The following FAM171A2 variants were observed in gnomAD, a reference collection of about 807,000 sequenced individuals.
FAM171A2 encodes the protein family with sequence similarity 171 member A2.
In FAM171A2, 13 loss-of-function variants were observed where a neutral mutation model predicts 34.2. The observed-to-expected ratio is 0.38, with a 90% CI of 0.25 to 0.60. The LOEUF is 0.60. Among genes scored for constraint, FAM171A2 ranks in the 20% least tolerant of loss-of-function variants. FAM171A2 has a pLI of 0.62. For missense variants in FAM171A2, 950 were observed against 1,180.7 expected, an observed-to-expected ratio of 0.80 and a Z score of 2.86; for synonymous variants, 475 against 561.2, an observed-to-expected ratio of 0.85 and a Z score of 2.17.
In FAM171A2 at chr17:44,356,688, AG is replaced by A. The variant is rs548586610; in HGVS notation, c.440-101del. On this transcript the variant is annotated intron_variant, in intron 3 of 7. Coordinates refer to ENST00000293443, the MANE Select transcript of FAM171A2 (RefSeq NM_198475.3). Reference sequence around the variant, plus strand: ...CTAAGGAAAAGGGGGACATGAGGTCAGGCCACTTTGGAAGGCCAGGGAGGGT... The same window carrying A: ...CTAAGGAAAAGGGGGACATGAGGTCAGCCACTTTGGAAGGCCAGGGAGGGT... 8.9e-5 allele frequency: 121 copies of A among 1,356,742 alleles called. No individual in the cohort carries two copies. In the East Asian group the frequency reaches 2.9e-3, roughly 32 times the overall value. The allele number at this position is 1,356,742 out of a possible 1,614,324, so 84.0% of individuals were successfully genotyped here.
chr17:44,362,690 C>T (rs780526265), intron 1 of FAM171A2, among the ~76,000 whole-genome samples: 11 of 152,196 alleles, frequency 7.2e-5, no homozygotes, highest in Non-Finnish European at 1.0e-4. Context: ...GAGCCGGCCC[C>T]ACCCCCACCT....
In FAM171A2 at chr17:44,353,920, G is replaced by A; in HGVS notation, c.2294C>T (p.Thr765Met). The A allele has an allele frequency of 7.7e-7, 1 of 1,296,486 alleles. No individual in the cohort carries two copies. The highest frequency in any genetic ancestry group is 9.7e-7 in the Non-Finnish European group (1 of 1,028,452). The allele number at this position is 1,296,486 out of a possible 1,614,324, so 80.3% of individuals were successfully genotyped here. The change falls in exon 8 of 8, where the codon ACG (threonine) becomes ATG (methionine). Residue 765 changes from threonine to methionine, a missense_variant. By Grantham distance (81) the Thr-to-Met change is moderately conservative (BLOSUM62 -1). Transcript: ENST00000293443. Reference protein sequence around the residue: ...EVAAPEGRAATVPRGRGRSRG... With the variant: ...EVAAPEGRAAMVPRGRGRSRG... ...GCTGCGGCCCCGCCCCCGGGGTACC[G>A]TGGCCGCCCGGCCCTCGGGCGCCGC...
rs1598368356 is a variant in FAM171A2 at position 44,355,377 on chromosome 17, C to T, written c.1023-186G>A. 6.6e-6 allele frequency among the ~76,000 whole-genome samples: 1 copy of T among 152,250 alleles called. No individual in the cohort carries two copies. The highest frequency in any genetic ancestry group is 1.9e-4 in the East Asian group (1 of 5,194). On this transcript the variant is annotated intron_variant, in intron 7 of 7. Coordinates refer to ENST00000293443, the MANE Select transcript of FAM171A2 (RefSeq NM_198475.3). This position sits in a 1 kb window ranked among gnomAD's most constrained non-coding sequence, Gnocchi z 4.1. ...GGCGATCCCCTCAGGGTCAACTCTG[C>T]ACTCCTCTGCATGTAGGATGTGCTG...
chr17:44,362,044 C>A (rs1205551986), intron 1 of FAM171A2, among the ~76,000 whole-genome samples: 1 of 127,096 alleles, frequency 7.9e-6, no homozygotes, highest in Non-Finnish European at 1.6e-5. Flanking sequence ...AGGGAGGGGG[C>A]TGGGGAAACA....
At position 44,354,269 on chromosome 17, in the gene FAM171A2, G is replaced by A; in HGVS notation, c.1945C>T (p.Pro649Ser). ...EKKLLELGVKPHPRAWFVSLD... is the reference protein window; with the variant it reads ...EKKLLELGVKSHPRAWFVSLD... Reference sequence around the variant, plus strand: ...GACACGAACCAGGCGCGCGGGTGCGGCTTCACGCCCAGTTCCAGCAGCTTC... The same window carrying A: ...GACACGAACCAGGCGCGCGGGTGCGACTTCACGCCCAGTTCCAGCAGCTTC... The change falls in exon 8 of 8, where the codon CCG becomes TCG. Residue 649 changes from proline (P) to serine (S), a missense_variant. Pro to Ser is a moderately conservative substitution (Grantham distance 74, BLOSUM62 -1). Coordinates refer to ENST00000293443, the MANE Select transcript of FAM171A2 (RefSeq NM_198475.3). This position sits in a 1 kb window ranked among gnomAD's most constrained non-coding sequence, Gnocchi z 5.8. The A allele has an allele frequency of 6.9e-7, 1 of 1,454,598 alleles. No homozygotes were observed. The highest frequency in any genetic ancestry group is 9.1e-7 in the Non-Finnish European group (1 of 1,096,792). 90.1% of individuals were successfully genotyped at this position (1,454,598 alleles called of 1,614,324 possible). A position where few individuals can be genotyped will look rare whatever the true frequency, so the allele number is the denominator to read the frequency against.
rs1301461689 is a variant in FAM171A2, at chr17:44,355,570, C to T, written c.1022+145G>A. ...CCACCTCCCCGCTGTCTTCAACCAC[C>T]AGCACCAGCCCTTCAGGTCTTAGCA... is the stretch of plus-strand genomic sequence containing the variant. On this transcript the variant is annotated intron_variant, in intron 7 of 7. Coordinates refer to ENST00000293443, the MANE Select transcript of FAM171A2 (RefSeq NM_198475.3). The surrounding 1 kb of genome is among the most constrained non-coding windows in gnomAD (Gnocchi z 4.1). 2 of 1,237,500 alleles carry T rather than the reference C, an allele frequency of 1.6e-6. No individual in the cohort carries two copies. Among genetic ancestry groups the T allele is most frequent in the African/African-American group, 3.0e-5 (2 of 66,260 alleles). The allele number at this position is 1,237,500 out of a possible 1,614,324, so 76.7% of individuals were successfully genotyped here.
rs2048416921 is a variant in FAM171A2, at chr17:44,355,188, C to T, written c.1026G>A (p.Arg342=). Residue 342 remains arginine (R), a synonymous_variant, in exon 8 of 8, where the codon AGG becomes AGA. Coordinates refer to ENST00000293443, the MANE Select transcript of FAM171A2 (RefSeq NM_198475.3). The surrounding 1 kb of genome is among the most constrained non-coding windows in gnomAD (Gnocchi z 4.1). The part of the protein sequence containing the change: ...LLCLLIYYCR[R]RCLKPRQQHR... ...GCTGTTGCCTCGGCTTCAGGCAGCG[C>T]CTCCTGGAAGGGAGGGAGCAGAAGG... 3 of 1,550,492 alleles carry T rather than the reference C, an allele frequency of 1.9e-6. No homozygotes were observed. The highest frequency in any genetic ancestry group is 1.2e-5 in the South Asian group (1 of 84,044).
chr17:44,354,395 C>A lies in FAM171A2; in HGVS notation c.1819G>T (p.Gly607Trp). ...GAGCCACTGACGGGCGCCGCGCGCC[C>A]GGCCCCCCAGCCCTCGCCGCCGCCC... ...GGGGGEGWGAGRAAPVSGSVT... is the reference protein window; with the variant it reads ...GGGGGEGWGAWRAAPVSGSVT... Residue 607 changes from glycine to tryptophan, a missense_variant, in exon 8 of 8, where the codon GGG (glycine) becomes TGG (tryptophan). Around this residue, in one of 3 missense-constraint regions of FAM171A2, gnomAD observed 752 missense variants for 924.5 expected, o/e 0.81. Coordinates refer to ENST00000293443, the MANE Select transcript of FAM171A2 (RefSeq NM_198475.3). The surrounding 1 kb of genome is among the most constrained non-coding windows in gnomAD (Gnocchi z 5.8). The A allele has an allele frequency of 7.9e-7, 1 of 1,260,668 alleles. No individual in the cohort carries two copies. The highest frequency in any genetic ancestry group is 2.3e-5 in the South Asian group (1 of 43,464). 78.1% of individuals were successfully genotyped at this position (1,260,668 alleles called of 1,614,324 possible).
rs1162307170 is a variant in FAM171A2, at chr17:44,354,913, C to T, written c.1301G>A (p.Arg434His). The change falls in exon 8 of 8, where the codon CGC (arginine) becomes CAC (histidine). Residue 434 changes from arginine to histidine, a missense_variant. Transcript: ENST00000293443. This position sits in a 1 kb window ranked among gnomAD's most constrained non-coding sequence, Gnocchi z 5.8. The stretch of plus-strand genomic sequence containing the variant: ...CTTGAGCCCGGCGCTCTCGCCCCCG[C>T]GGGCACCCGAAGGCTCGGCGGCCGG... ...SRPAAEPSGA[R>H]GGESAGLKGA... 7.1e-7 allele frequency: 1 copy of T among 1,407,430 alleles called. No individual in the cohort carries two copies. The highest frequency in any genetic ancestry group is 9.2e-7 in the Non-Finnish European group (1 of 1,085,656). The allele number at this position is 1,407,430 out of a possible 1,614,324, so 87.2% of individuals were successfully genotyped here.
chr17:44,357,472 C>A (rs1398888810), intron 3 of FAM171A2, among the ~76,000 whole-genome samples: 1 of 151,652 alleles, frequency 6.6e-6, no homozygotes, highest in East Asian at 1.9e-4. Context: ...GATGGTGAAA[C>A]CCCATCTCTA....
Position 44,356,498 on chromosome 17 carries a change from G to A in FAM171A2, c.530C>T (p.Thr177Met), listed in dbSNP as rs1452596690. 1.7e-5 allele frequency: 26 copies of A among 1,550,634 alleles called. No individual in the cohort carries two copies. Among genetic ancestry groups the A allele is most frequent in the Non-Finnish European group, 1.9e-5 (22 of 1,146,962 alleles). The change falls in exon 4 of 8, where the codon ACG (threonine) becomes ATG (methionine). Residue 177 changes from threonine to methionine, a missense_variant. By Grantham distance (81) the Thr-to-Met change is moderately conservative (BLOSUM62 -1). Transcript: ENST00000293443. ...STYSQLWASL[T>M]PASTQQEMRA... is the part of the protein sequence containing the mutation. ...CATTTCCTGCTGGGTGCTGGCAGGC[G>A]TAAGTGACGCCCAGAGCTGGCTGTA...
chr17:44,359,623 A>G lies in FAM171A2; in HGVS notation c.395T>C (p.Leu132Pro). Reference protein sequence around the residue: ...LYLLPERPATLILYEDLVHIL... With the variant: ...LYLLPERPATPILYEDLVHIL... ...GTGCACCAGGTCCTCATAGAGGATG[A>G]GCGTGGCCGGCCGCTCAGGGAGCAG... Residue 132 changes from leucine (L) to proline (P), a missense_variant, in exon 3 of 8, where the codon CTC (leucine) becomes CCC (proline). This residue lies in a region of FAM171A2 where 752 missense variants were observed against 924.5 expected (regional missense o/e 0.81). Transcript: ENST00000293443. 1 of 1,551,122 alleles carries G rather than the reference A, an allele frequency of 6.4e-7. No individual in the cohort carries two copies. The highest frequency in any genetic ancestry group is 8.7e-7 in the Non-Finnish European group (1 of 1,146,928).
In FAM171A2 at chr17:44,353,979, CT is replaced by C; in HGVS notation, c.2234del (p.Glu745GlyfsTer5). 2 of 1,285,260 alleles carry C rather than the reference CT, an allele frequency of 1.6e-6. No homozygotes were observed. The highest frequency in any genetic ancestry group is 9.8e-7 in the Non-Finnish European group (1 of 1,019,548). The allele number at this position is 1,285,260 out of a possible 1,614,324, so 79.6% of individuals were successfully genotyped here. A position where few individuals can be genotyped will look rare whatever the true frequency, so the allele number is the denominator to read the frequency against. On this transcript the variant is annotated frameshift_variant, in exon 8 of 8. Coordinates refer to ENST00000293443, the MANE Select transcript of FAM171A2 (RefSeq NM_198475.3). LOFTEE classifies it low-confidence loss of function (END_TRUNC). ...SESRTGLCSP[E>X]DNSLTPLLDE... ...CCAGCAGCGGCGTCAGCGAGTTGTC[CT>C]CCGGAGAGCAGAGGCCCGTGCGGCT...
At position 44,356,606 on chromosome 17, in the gene FAM171A2, C is replaced by A. The variant is rs2143373568; in HGVS notation, c.440-18G>T. The A allele has an allele frequency of 6.5e-7, 1 of 1,529,310 alleles. No individual in the cohort carries two copies. The highest frequency in any genetic ancestry group is 2.5e-5 in the East Asian group (1 of 40,632). 94.7% of individuals were successfully genotyped at this position (1,529,310 alleles called of 1,614,324 possible). ...GCGGGCACCTGGAGGGAAAGAGGGG[C>A]TGCAGTGGCTTGACCATGGACAGGG... is the stretch of plus-strand genomic sequence containing the variant. On this transcript the variant is annotated intron_variant, in intron 3 of 7. Coordinates refer to ENST00000293443, the MANE Select transcript of FAM171A2 (RefSeq NM_198475.3).
At position 44,354,919 on chromosome 17, in the gene FAM171A2, C is replaced by T; in HGVS notation, c.1295G>A (p.Gly432Asp). Reference protein sequence around the residue: ...SASRPAAEPSGARGGESAGLK... With the variant: ...SASRPAAEPSDARGGESAGLK... ...CCCGGCGCTCTCGCCCCCGCGGGCACCCGAAGGCTCGGCGGCCGGGCGGCT... is the reference window on the plus strand; with the variant it reads ...CCCGGCGCTCTCGCCCCCGCGGGCATCCGAAGGCTCGGCGGCCGGGCGGCT... Residue 432 changes from glycine to aspartate, a missense_variant, in exon 8 of 8, where the codon GGT (glycine) becomes GAT (aspartate). Transcript: ENST00000293443. The surrounding 1 kb of genome is among the most constrained non-coding windows in gnomAD (Gnocchi z 5.8). The T allele has an allele frequency of 2.8e-6, 4 of 1,416,744 alleles. No homozygotes were observed. Among genetic ancestry groups the T allele is most frequent in the South Asian group, 1.5e-5 (1 of 66,130 alleles). 87.8% of individuals were successfully genotyped at this position (1,416,744 alleles called of 1,614,324 possible).
Position 44,355,116 on chromosome 17 carries a change from G to T in FAM171A2, c.1098C>A (p.Asp366Glu). 6.4e-7 allele frequency: 1 copy of T among 1,551,034 alleles called. No individual in the cohort carries two copies. ...LSGPSDGNKR[D>E]QATSMSQLHL... ...GGAGCTGGGACATCGAGGTGGCCTGGTCTCGTTTGTTACCGTCAGAGGGCC... is the reference window on the plus strand; with the variant it reads ...GGAGCTGGGACATCGAGGTGGCCTGTTCTCGTTTGTTACCGTCAGAGGGCC... Residue 366 changes from aspartate (D) to glutamate (E), a missense_variant, in exon 8 of 8, where the codon GAC (aspartate) becomes GAA (glutamate). Asp to Glu is a conservative substitution (Grantham distance 45). Transcript: ENST00000293443. This position sits in a 1 kb window ranked among gnomAD's most constrained non-coding sequence, Gnocchi z 4.1.
In FAM171A2 at chr17:44,353,659, CCCGCGGGCCCCCGGGGCGCGCACCCTGG is replaced by C; in HGVS notation, c.*46_*73del. ...GGGCTGGGAGCTACGCGCGAGGGCC[CCCGCGGGCCCCCGGGGCGCGCACCCTGG>C]GTGCGGGCCCGCGCGGGAGGGGCGG... On this transcript the variant is annotated 3_prime_UTR_variant, in exon 8 of 8. Transcript: ENST00000293443. 2.6e-6 allele frequency: 3 copies of C among 1,135,592 alleles called. No homozygotes were observed. The highest frequency in any genetic ancestry group is 4.1e-5 in the South Asian group (1 of 24,426). 70.3% of individuals were successfully genotyped at this position (1,135,592 alleles called of 1,614,324 possible).
Position 44,353,725 on chromosome 17 carries a change from C to A in FAM171A2, c.*8G>T. Reference sequence around the variant, plus strand: ...GCGGGAGGGGCGGTGCCAGGCCCTGCGCGGGCGCTACTTGACGTTGAACAC... The same window carrying A: ...GCGGGAGGGGCGGTGCCAGGCCCTGAGCGGGCGCTACTTGACGTTGAACAC... On this transcript the variant is annotated 3_prime_UTR_variant, in exon 8 of 8. Transcript: ENST00000293443. The A allele has an allele frequency of 1.4e-6, 2 of 1,388,742 alleles. No individual in the cohort carries two copies. The highest frequency in any genetic ancestry group is 1.9e-6 in the Non-Finnish European group (2 of 1,067,874). 86.0% of individuals were successfully genotyped at this position (1,388,742 alleles called of 1,614,324 possible).
chr17:44,359,535 CAG>C, intron 3 of FAM171A2, 42 bp downstream of exon 3: 5 of 1,506,212 alleles, frequency 3.3e-6, no homozygotes, highest in Non-Finnish European at 4.5e-6. Flanking sequence ...ACACCTAGGT[CAG>C]GGGAAGGAAG....
Sources: gnomAD v4.1 joint callset for allele counts (sites outside exome capture counted in the v4.1 genomes callset) on GRCh38, gnomAD v4.1.1 for gene constraint, gnomAD v4.1.1 regional missense constraint, Gnocchi (gnomAD v3.1) non-coding constraint, MANE v1.5 for transcripts, NCBI Gene and HGNC (gene_info 2026-07-23, HGNC 2026-07-21) for gene names.